The following RNF213 variants were observed in gnomAD, a reference collection of about 807,000 sequenced individuals.
RNF213 encodes the protein ring finger protein 213, also known as E3 ubiquitin-protein ligase RNF213.
RNF213 carries 341 observed loss-of-function variants against 514.4 expected under a neutral mutation model. The ratio of observed to expected loss-of-function variants is 0.66; its 90% CI spans 0.61 to 0.73. The LOEUF is 0.73. RNF213 is among the 30% of genes least tolerant of loss of function. RNF213 has a pLI of 0.00. For synonymous variants in RNF213, 2,655 were observed against 2,658.2 expected (o/e 1.00, Z 0.04); for missense variants, 5,767 against 6,615.6 (o/e 0.87, Z 4.45).
chr17:80,369,819 A>G lies in RNF213; in HGVS notation c.12377A>G (p.Lys4126Arg). ...SLSPFNDVVD[K>R]TPVIRSVILK... ...TCTCCATTCAATGATGTTGTGGATA[A>G]GACTCCTGTCATCCGCTCAGTGATA... The change falls in exon 46 of 68, where the codon AAG becomes AGG. Residue 4126 changes from lysine to arginine, a missense_variant. Physicochemically the swap from Lys to Arg is conservative, Grantham distance 26. Coordinates refer to ENST00000582970, the MANE Select transcript of RNF213 (RefSeq NM_001256071.3). 6.2e-7 allele frequency: 1 copy of G among 1,614,014 alleles called. No homozygotes were observed. Among genetic ancestry groups the G allele is most frequent in the Non-Finnish European group, 8.5e-7 (1 of 1,179,902 alleles).
Position 80,347,603 on chromosome 17 carries a change from G to A in RNF213, c.9268G>A (p.Val3090Met), listed in dbSNP as rs935624321. 1.9e-6 allele frequency: 3 copies of A among 1,614,174 alleles called. No individual in the cohort carries two copies. ...YTQLCRNINR[V>M]KICMETGKMV... ...CCAGCTCTGCAGAAACATCAATCGT[G>A]TGAAGATCTGCATGGAAACAGGCAA... Residue 3090 changes from valine (V) to methionine (M), a missense_variant, in exon 29 of 68, where the codon GTG becomes ATG. By Grantham distance (21) the Val-to-Met change is conservative. Transcript: ENST00000582970. This position sits in a 1 kb window ranked among gnomAD's most constrained non-coding sequence, Gnocchi z 7.2.
chr17:80,393,310 G>A (rs1275124444), intron 67 of RNF213, 35 bp from the exon 68 acceptor site: 1 of 1,607,956 alleles, frequency 6.2e-7, no homozygotes, highest in Non-Finnish European at 8.5e-7. Context: ...ATGCTGAGGA[G>A]ACTGTTTTAA....
chr17:80,273,596 C>T (rs2043905484), intron 3 of RNF213, among the ~76,000 whole-genome samples, 192 bp downstream of exon 3: 1 of 151,372 alleles, frequency 6.6e-6, no homozygotes, highest in African/African-American at 2.4e-5. Context: ...TTCCAGACCC[C>T]CTGGGGCCTC....
intron 2 of RNF213, among the ~76,000 whole-genome samples, chr17:80,269,370 CCTAT>C (rs147394603): frequency 1.2e-4 from 18 of 151,720 alleles, no homozygotes; most frequent in African/African-American, 2.4e-4. Flanking sequence ...GTCCACCTAC[CCTAT>C]CTATCTATCC....
chr17:80,322,703 C>T, intron 17 of RNF213, among the ~76,000 whole-genome samples: 1 of 152,186 alleles, frequency 6.6e-6, no homozygotes, highest in East Asian at 1.9e-4. Flanking sequence ...GCATGAGCCA[C>T]CGCACCTGGC....
In RNF213 at chr17:80,381,667, G is replaced by A. The variant is rs138223459; in HGVS notation, c.13918G>A (p.Gly4640Ser). The A allele has an allele frequency of 1.8e-5, 29 of 1,614,064 alleles. No individual in the cohort carries two copies. Among genetic ancestry groups the A allele is most frequent in the Middle Eastern group, 1.6e-4 (1 of 6,084 alleles). Reference protein sequence around the residue: ...MLGHSADETIGVVHLVLRRLL... With the variant: ...MLGHSADETISVVHLVLRRLL... ...GGGACACAGTGCCGACGAGACCATC[G>A]GCGTGGTCCACCTCGTCCTGCGCAG... Residue 4640 changes from glycine (G) to serine (S), a missense_variant, in exon 57 of 68, where the codon GGC becomes AGC. By Grantham distance (56) the Gly-to-Ser change is moderately conservative. This residue lies in a region of RNF213 where 1,245 missense variants were observed against 1,339.0 expected (regional missense o/e 0.93). Coordinates refer to ENST00000582970, the MANE Select transcript of RNF213 (RefSeq NM_001256071.3).
In RNF213 at chr17:80,385,628, A is replaced by G. The variant is rs1470477687; in HGVS notation, c.14539+7A>G. 1 of 1,612,658 alleles carries G rather than the reference A, an allele frequency of 6.2e-7. No homozygotes were observed. ...AGATCGCTTGAGACGAACGGTTAGTATCCTGTCCCCTGTACCACTAAGCGT... is the reference window on the plus strand; with the variant it reads ...AGATCGCTTGAGACGAACGGTTAGTGTCCTGTCCCCTGTACCACTAAGCGT... On this transcript the variant is annotated splice_region_variant and intron_variant, in intron 61 of 67. Transcript: ENST00000582970.
intron 3 of RNF213, among the ~76,000 whole-genome samples, chr17:80,276,982 G>C (rs572090646): frequency 2.6e-5 from 4 of 151,946 alleles, no homozygotes; most frequent in Non-Finnish European, 2.9e-5. Flanking sequence ...ACTTGAACCC[G>C]GGAGGGGGAG....
Position 80,353,211 on chromosome 17 carries a change from G to C in RNF213, c.10423+152G>C. On this transcript the variant is annotated intron_variant, in intron 33 of 67. Coordinates refer to ENST00000582970, the MANE Select transcript of RNF213 (RefSeq NM_001256071.3). The surrounding 1 kb of genome is among the most constrained non-coding windows in gnomAD (Gnocchi z 5.0). Reference sequence around the variant, plus strand: ...GACACATCTGCAGAACTGACTGGTGGCTCATCATAGAGCACCAGGGCCGAG... The same window carrying C: ...GACACATCTGCAGAACTGACTGGTGCCTCATCATAGAGCACCAGGGCCGAG... 9.2e-7 allele frequency: 1 copy of C among 1,081,654 alleles called. No homozygotes were observed. The highest frequency in any genetic ancestry group is 1.4e-5 in the South Asian group (1 of 71,810). The allele number at this position is 1,081,654 out of a possible 1,614,324, so 67.0% of individuals were successfully genotyped here. A position where few individuals can be genotyped will look rare whatever the true frequency, so the allele number is the denominator to read the frequency against.
Position 80,360,152 on chromosome 17 carries a change from A to G in RNF213, c.11146A>G (p.Lys3716Glu). Reference sequence around the variant, plus strand: ...CAACGTCCCTTTCAGCTGGAAAATCAAGGACTATCTGGAGGAGCTGTGGGT... The same window carrying G: ...CAACGTCCCTTTCAGCTGGAAAATCGAGGACTATCTGGAGGAGCTGTGGGT... ...SNNVPFSWKIKDYLEELWVQA... is the reference protein window; with the variant it reads ...SNNVPFSWKIEDYLEELWVQA... Residue 3716 changes from lysine (K) to glutamate (E), a missense_variant, in exon 38 of 68, where the codon AAG becomes GAG. By Grantham distance (56) the Lys-to-Glu change is moderately conservative (BLOSUM62 1). Coordinates refer to ENST00000582970, the MANE Select transcript of RNF213 (RefSeq NM_001256071.3). 1.2e-6 allele frequency: 2 copies of G among 1,614,092 alleles called. No homozygotes were observed. Among genetic ancestry groups the G allele is most frequent in the East Asian group, 2.2e-5 (1 of 44,888 alleles).
Position 80,369,621 on chromosome 17 carries a change from T to C in RNF213, c.12275T>C (p.Leu4092Pro). The C allele has an allele frequency of 6.2e-7, 1 of 1,614,230 alleles. No individual in the cohort carries two copies. The highest frequency in any genetic ancestry group is 8.5e-7 in the Non-Finnish European group (1 of 1,180,032). Residue 4092 changes from leucine to proline, a missense_variant, in exon 45 of 68, where the codon CTG becomes CCG. Around this residue, in one of 13 missense-constraint regions of RNF213, gnomAD observed 93 missense variants for 95.6 expected, o/e 0.97. Transcript: ENST00000582970. ...APPEKEVIES[L>P]LSLLFVQKGR... ...CCTGAGAAGGAAGTGATTGAGAGCC[T>C]GCTCTCTCTCCTCTTCGTCCAAAAG...
Position 80,288,898 on chromosome 17 carries a change from C to A in RNF213, c.933+143C>A. On this transcript the variant is annotated intron_variant, in intron 5 of 67. Coordinates refer to ENST00000582970, the MANE Select transcript of RNF213 (RefSeq NM_001256071.3). This position sits in a 1 kb window ranked among gnomAD's most constrained non-coding sequence, Gnocchi z 4.9. ...AAAGCTCTGGCCTTCGGGGTGCTCACATTCCAGCGGAGAGAGAGTCAGGAA... is the reference window on the plus strand; with the variant it reads ...AAAGCTCTGGCCTTCGGGGTGCTCAAATTCCAGCGGAGAGAGAGTCAGGAA... The A allele has an allele frequency of 7.0e-7, 1 of 1,423,524 alleles. No individual in the cohort carries two copies. The highest frequency in any genetic ancestry group is 9.7e-7 in the Non-Finnish European group (1 of 1,035,712). 88.2% of individuals were successfully genotyped at this position (1,423,524 alleles called of 1,614,324 possible). A position where few individuals can be genotyped will look rare whatever the true frequency, so the allele number is the denominator to read the frequency against.
At chr17:80,388,147 G>GT (rs2080314730) in intron 63 of RNF213, among the ~76,000 whole-genome samples, 1 of 152,000 alleles carries the variant, frequency 6.6e-6, no homozygotes, top group African/African-American at 2.4e-5. Flanking sequence ...TGTATTTTTA[G>GT]TAGAGACGGG....
chr17:80,342,877 C>T (rs923223668), intron 26 of RNF213, among the ~76,000 whole-genome samples: 1 of 151,588 alleles, frequency 6.6e-6, no homozygotes, highest in South Asian at 2.1e-4. Context: ...GCAATCTCAG[C>T]TCACTACAAC....
chr17:80,300,909 T>C (rs1378845699), intron 11 of RNF213, among the ~76,000 whole-genome samples: 1 of 152,152 alleles, frequency 6.6e-6, no homozygotes, highest in Admixed American at 6.6e-5. Context: ...CTTTTTTTCA[T>C]ATGCCTGTTA....
In RNF213 at chr17:80,389,232, T is replaced by C. The variant is rs752488073; in HGVS notation, c.15060T>C (p.Asp5020=). The C allele has an allele frequency of 5.0e-6, 8 of 1,614,140 alleles. No homozygotes were observed. The East Asian group carries it at 1.3e-4, about 27-fold the overall frequency. The part of the protein sequence containing the change: ...AISGQLQSYS[D]ACEVLSVVEV... ...GTGGACAGCTGCAGTCCTACAGCGATGCCTGTGAAGTGCTGTCTGTCGTAG... is the reference window on the plus strand; with the variant it reads ...GTGGACAGCTGCAGTCCTACAGCGACGCCTGTGAAGTGCTGTCTGTCGTAG... The change falls in exon 65 of 68, where the codon GAT becomes GAC. Residue 5020 remains aspartate, a synonymous_variant. Transcript: ENST00000582970.
chr17:80,354,730 A>G (rs1156964149), intron 36 of RNF213, 154 bp downstream of exon 36: 1 of 920,242 alleles, frequency 1.1e-6, no homozygotes, highest in Non-Finnish European at 1.7e-6. Flanking sequence ...TTCCCCAAGA[A>G]GCACACAGTA....
At chr17:80,303,915 G>A (rs1006785401) in intron 11 of RNF213, among the ~76,000 whole-genome samples, 1 of 150,318 alleles carries the variant, frequency 6.7e-6, no homozygotes, top group Non-Finnish European at 1.5e-5. Flanking sequence ...CAACAAAGCT[G>A]TAGTTCATCT....
intron 2 of RNF213, among the ~76,000 whole-genome samples, chr17:80,269,412 C>CTATCTATCTATCT (rs1567990690): frequency 0.018 from 2,684 of 150,156 alleles, 41 homozygotes; most frequent in East Asian, 0.11. Context: ...ATCATCTATC[C>CTATCTATCTATCT]ATCCATCCAT....
Sources: allele counts gnomAD v4.1 joint callset (sites outside exome capture counted in the v4.1 genomes callset), GRCh38; gene constraint gnomAD v4.1.1; regional missense constraint gnomAD v4.1.1; non-coding constraint Gnocchi (gnomAD v3.1); transcripts MANE v1.5; gene names NCBI Gene and HGNC (gene_info 2026-07-23, HGNC 2026-07-21).